The following GRIK2 variants were observed in gnomAD, a reference collection of about 807,000 sequenced individuals.
The protein encoded by GRIK2 is glutamate receptor ionotropic, kainate 2.
A neutral mutation model predicts 100.3 loss-of-function variants in GRIK2; 32 were observed. The ratio of observed to expected loss-of-function variants is 0.32; its 90% CI spans 0.24 to 0.43. GRIK2 has a LOEUF of 0.43. GRIK2 is among the 20% of genes least tolerant of loss of function. The pLI is 1.00. For missense variants in GRIK2, 843 were observed against 1,114.9 expected (o/e 0.76, Z 3.47); for synonymous variants, 417 against 389.4 (o/e 1.07, Z -0.83).
At chr6:101,675,145 C>G (rs2128339422) in intron 4 of GRIK2, among the ~76,000 whole-genome samples, 1 of 152,112 alleles carries the variant, frequency 6.6e-6, no homozygotes, top group African/African-American at 2.4e-5. Context: ...TAACTTTGTA[C>G]CCACTGACCA....
In GRIK2 at chr6:101,675,291, G is replaced by A. The variant is rs201076758; in HGVS notation, c.542-1332G>A. 1.2e-4 allele frequency among the ~76,000 whole-genome samples: 14 copies of A among 118,822 alleles called. 1 individual carries two copies. In the South Asian group the frequency reaches 1.4e-3, roughly 12 times the overall value. 78.0% of individuals were successfully genotyped at this position (118,822 alleles called of 152,430 possible). A position where few individuals can be genotyped will look rare whatever the true frequency, so the allele number is the denominator to read the frequency against. On this transcript the variant is annotated intron_variant, in intron 4 of 16. Transcript: ENST00000369134. ...CATGTACGCACACGCGCACGCACAC[G>A]CAGACACACACACACCACACACACA...
intron 14 of GRIK2, among the ~76,000 whole-genome samples, chr6:101,947,878 C>A (rs989867360): frequency 5.9e-5 from 9 of 152,102 alleles, no homozygotes; most frequent in Non-Finnish European, 7.4e-5. Flanking sequence ...ACATGCTTAA[C>A]CCCAACTAGG....
chr6:101,559,309 A>G (rs926578965), intron 2 of GRIK2, among the ~76,000 whole-genome samples: 31 of 152,100 alleles, frequency 2.0e-4, no homozygotes, highest in African/African-American at 6.5e-4. Flanking sequence ...TTATTCAGTT[A>G]TCTACAGAAT....
At chr6:101,547,971 T>C (rs1292694953) in intron 2 of GRIK2, among the ~76,000 whole-genome samples, 1 of 152,070 alleles carries the variant, frequency 6.6e-6, no homozygotes. Flanking sequence ...CCACATCCTC[T>C]CCAGCACCTG....
chr6:101,901,459 T>G (rs2128461672), intron 12 of GRIK2, among the ~76,000 whole-genome samples: 1 of 151,516 alleles, frequency 6.6e-6, no homozygotes, highest in Non-Finnish European at 1.5e-5. Flanking sequence ...TTCAGAAATC[T>G]TATTATAAAA....
intron 2 of GRIK2, among the ~76,000 whole-genome samples, chr6:101,505,776 G>GAA (rs35632931): frequency 0.29 from 32,177 of 112,896 alleles, 4,389 homozygotes; most frequent in East Asian, 0.44. Context: ...GAAGAAATTA[G>GAA]AAAAAAAAAA....
intron 2 of GRIK2, among the ~76,000 whole-genome samples, chr6:101,581,893 G>T (rs1778116298): frequency 6.6e-6 from 1 of 151,944 alleles, no homozygotes; most frequent in South Asian, 2.1e-4. Flanking sequence ...AAAAAAGATG[G>T]TGACATGGCT....
At chr6:101,913,846 T>C (rs1192124959) in intron 12 of GRIK2, among the ~76,000 whole-genome samples, 1 of 151,528 alleles carries the variant, frequency 6.6e-6, no homozygotes, top group African/African-American at 2.4e-5. Flanking sequence ...ATAAGACTCT[T>C]GTTAGAGCAT....
intron 2 of GRIK2, among the ~76,000 whole-genome samples, chr6:101,497,915 G>A (rs540271862): frequency 1.0e-3 from 151 of 151,748 alleles, no homozygotes; most frequent in African/African-American, 3.6e-3. Flanking sequence ...TATGCACAAT[G>A]TGCAGGTTAG....
At chr6:101,689,381 T>C (rs111701860) in intron 7 of GRIK2, among the ~76,000 whole-genome samples, 61 of 152,152 alleles carry the variant, frequency 4.0e-4, no homozygotes, top group African/African-American at 1.3e-3. Context: ...AAGATCATAG[T>C]GCTCAGACTT....
intron 2 of GRIK2, among the ~76,000 whole-genome samples, chr6:101,519,652 C>T (rs1226213794): frequency 6.6e-6 from 1 of 151,838 alleles, no homozygotes; most frequent in African/African-American, 2.4e-5. Context: ...CCCCATTGTA[C>T]TGAAATTTAC....
At chr6:101,744,522 G>T (rs544759817) in intron 7 of GRIK2, 2 of 50,328 alleles carry the variant, frequency 4.0e-5, no homozygotes, top group South Asian at 7.2e-4. Flanking sequence ...GTGCGTGCGC[G>T]CATATATATA....
chr6:101,840,011 A>G (rs1378606594), intron 10 of GRIK2, among the ~76,000 whole-genome samples: 1 of 152,166 alleles, frequency 6.6e-6, no homozygotes, highest in Non-Finnish European at 1.5e-5. Context: ...GGTTGGTCTC[A>G]TGAATAATGG....
chr6:102,004,712 A>T (rs1795122506), intron 14 of GRIK2, among the ~76,000 whole-genome samples: 1 of 151,912 alleles, frequency 6.6e-6, no homozygotes, highest in South Asian at 2.1e-4. Flanking sequence ...TCACTTCTCG[A>T]TACAAAGATC....
chr6:101,791,789 C>T (rs571775916), intron 7 of GRIK2, among the ~76,000 whole-genome samples: 1,879 of 151,632 alleles, frequency 0.012, 45 homozygotes, highest in African/African-American at 0.043. Flanking sequence ...GTTGATCTGT[C>T]TAATGTTGAC....
chr6:101,944,469 A>G (rs1012627892), intron 14 of GRIK2, among the ~76,000 whole-genome samples: 6 of 152,164 alleles, frequency 3.9e-5, no homozygotes, highest in Non-Finnish European at 5.9e-5. Flanking sequence ...GAAATAGAAG[A>G]TAACAAATGT....
chr6:101,489,725 A>T lies in GRIK2; in HGVS notation c.115+90333A>T, dbSNP rs1234497839. On this transcript the variant is annotated intron_variant, in intron 2 of 16. Coordinates refer to ENST00000369134, the MANE Select transcript of GRIK2 (RefSeq NM_021956.5). ...CTAAGTATGTGGTATGATTTTAAGGACTCCAGATAAGCTGAAATATCCAGC... is the reference window on the plus strand; with the variant it reads ...CTAAGTATGTGGTATGATTTTAAGGTCTCCAGATAAGCTGAAATATCCAGC... Among the ~76,000 whole-genome samples, 2 of 145,788 alleles carry T rather than the reference A, an allele frequency of 1.4e-5. 1 individual carries two copies. Among genetic ancestry groups the T allele is most frequent in the Non-Finnish European group, 3.0e-5 (2 of 66,374 alleles).
chr6:101,529,873 A>G (rs1287406763), intron 2 of GRIK2, among the ~76,000 whole-genome samples: 1 of 152,100 alleles, frequency 6.6e-6, no homozygotes, highest in Non-Finnish European at 1.5e-5. Context: ...GATAAATACA[A>G]TTCATTTTTA....
chr6:101,539,642 T>C (rs1003073706), intron 2 of GRIK2, among the ~76,000 whole-genome samples: 1 of 151,826 alleles, frequency 6.6e-6, no homozygotes, highest in Admixed American at 6.6e-5. Context: ...CTTTTATCTT[T>C]TATTTTCTTT....
Sources: gnomAD v4.1 joint callset for allele counts (sites outside exome capture counted in the v4.1 genomes callset) on GRCh38, gnomAD v4.1.1 for gene constraint, MANE v1.5 for transcripts, NCBI Gene and HGNC (gene_info 2026-07-23, HGNC 2026-07-21) for gene names.